Variants in XIRP2 observed in about 807,000 individuals in gnomAD.
XIRP2 encodes xin actin binding repeat containing 2, also known as xin actin-binding repeat-containing protein 2.
A neutral mutation model predicts 277.0 loss-of-function variants in XIRP2; 236 were observed. The observed-to-expected ratio is 0.85, with a 90% CI of 0.77 to 0.95. The LOEUF (loss-of-function observed/expected upper bound fraction) is 0.95, where lower values mean the gene tolerates loss of function less well. Among genes scored for constraint, XIRP2 ranks in the 40% least tolerant of loss-of-function variants. The pLI is 0.00. For missense variants in XIRP2, 4,640 were observed against 4,157.5 expected (o/e 1.12, Z -3.19); for synonymous variants, 1,490 against 1,416.5 (o/e 1.05, Z -1.17).
rs781568897 is a variant in XIRP2 at position 167,248,078 on chromosome 2, A to G, written c.6686A>G (p.Glu2229Gly). Residue 2229 changes from glutamate to glycine, a missense_variant, in exon 9 of 11, where the codon GAA becomes GGA. Transcript: ENST00000409195. Reference sequence around the variant, plus strand: ...AATGTAACAGAAATGAAAGTCTCTGAAAAAAGTCACAATACATTTAAGGCA... The same window carrying G: ...AATGTAACAGAAATGAAAGTCTCTGGAAAAAGTCACAATACATTTAAGGCA... ...TSNVTEMKVS[E>G]KSHNTFKATN... is the part of the protein sequence containing the mutation. The G allele has an allele frequency of 5.0e-6, 8 of 1,613,462 alleles. No homozygotes were observed. The highest frequency in any genetic ancestry group is 5.9e-6 in the Non-Finnish European group (7 of 1,179,756).
intron 2 of XIRP2, among the ~76,000 whole-genome samples, chr2:166,912,236 C>G (rs1200005571): frequency 6.6e-6 from 1 of 152,220 alleles, no homozygotes; most frequent in Non-Finnish European, 1.5e-5. Flanking sequence ...CCGTCACTTT[C>G]AGGTACACCA....
At chr2:167,028,536 C>T (rs1156916055) in intron 2 of XIRP2, among the ~76,000 whole-genome samples, 1 of 151,842 alleles carries the variant, frequency 6.6e-6, no homozygotes, top group Non-Finnish European at 1.5e-5. Flanking sequence ...ATGCAGTGAC[C>T]AAAACTTAGA....
rs143948347 is a variant in XIRP2, at chr2:167,002,061, A to G, written c.408+98171A>G. Among the ~76,000 whole-genome samples, 287 of 152,278 alleles carry G rather than the reference A, an allele frequency of 1.9e-3. 2 individuals carry two copies. The highest frequency in any genetic ancestry group is 6.5e-3 in the African/African-American group (272 of 41,592). On this transcript the variant is annotated intron_variant, in intron 2 of 10. Transcript: ENST00000409195. ...CAGCATTTTAATTCTTTACAAAATT[A>G]CATGATTTCTTAGAGAGCTATACAA...
intron 3 of XIRP2, chr2:167,187,571 G>A: frequency 3.1e-6 from 3 of 983,510 alleles, no homozygotes; most frequent in Non-Finnish European, 3.6e-6. Context: ...TCTGCTTCCT[G>A]GATTGTAAAA....
At chr2:167,131,453 C>G (rs986596129) in intron 2 of XIRP2, among the ~76,000 whole-genome samples, 8 of 152,158 alleles carry the variant, frequency 5.3e-5, no homozygotes, top group Admixed American at 3.3e-4. Context: ...AGTAAGTGAG[C>G]TCCATTCACC....
intron 2 of XIRP2, among the ~76,000 whole-genome samples, chr2:167,077,680 T>A (rs139203654): frequency 6.6e-6 from 1 of 152,120 alleles, no homozygotes; most frequent in African/African-American, 2.4e-5. Flanking sequence ...GGTTCTACCA[T>A]ACAGAACAGC....
intron 3 of XIRP2, among the ~76,000 whole-genome samples, chr2:167,137,400 A>G (rs1187493861): frequency 6.6e-6 from 1 of 152,160 alleles, no homozygotes; most frequent in East Asian, 1.9e-4. Context: ...GGCTGAATGC[A>G]AAAGAATTAG....
intron 2 of XIRP2, among the ~76,000 whole-genome samples, chr2:166,963,631 A>G (rs1043523546): frequency 6.6e-6 from 1 of 151,760 alleles, no homozygotes; most frequent in Non-Finnish European, 1.5e-5. Flanking sequence ...TACAGGGATT[A>G]GAGGGATAAG....
intron 1 of XIRP2, among the ~76,000 whole-genome samples, chr2:166,891,830 C>T (rs936228214): frequency 6.6e-6 from 1 of 152,092 alleles, no homozygotes; most frequent in Non-Finnish European, 1.5e-5. Flanking sequence ...GGGATTCTTA[C>T]CCTTGTCAGA....
intron 2 of XIRP2, among the ~76,000 whole-genome samples, chr2:167,033,747 G>GA (rs1315176284): frequency 4.7e-5 from 7 of 147,796 alleles, no homozygotes; most frequent in African/African-American, 1.2e-4. Context: ...GATAATGAAG[G>GA]AAAAAATATC....
chr2:167,111,708 T>A (rs1690760299), intron 2 of XIRP2, among the ~76,000 whole-genome samples: 1 of 152,128 alleles, frequency 6.6e-6, no homozygotes, highest in African/African-American at 2.4e-5. Context: ...GGGAGGAATC[T>A]CTCCTCAATT....
At chr2:166,920,670 G>A (rs1685014079) in intron 2 of XIRP2, among the ~76,000 whole-genome samples, 1 of 152,094 alleles carries the variant, frequency 6.6e-6, no homozygotes, top group African/African-American at 2.4e-5. Context: ...AAATATAAAT[G>A]TTTTGAATCA....
At chr2:167,177,875 T>C (rs994970329) in intron 3 of XIRP2, among the ~76,000 whole-genome samples, 1 of 152,076 alleles carries the variant, frequency 6.6e-6, no homozygotes, top group African/African-American at 2.4e-5. Flanking sequence ...AGATTATTGA[T>C]TGCATCGTTT....
intron 2 of XIRP2, among the ~76,000 whole-genome samples, chr2:167,028,344 G>C (rs1007196699): frequency 6.6e-6 from 1 of 152,086 alleles, no homozygotes; most frequent in African/African-American, 2.4e-5. Context: ...CCTGATTCAG[G>C]CAGCTCAGGA....
intron 2 of XIRP2, among the ~76,000 whole-genome samples, chr2:166,998,359 C>T (rs1242512472): frequency 2.6e-5 from 4 of 152,072 alleles, no homozygotes; most frequent in African/African-American, 4.8e-5. Context: ...AAAACTCGGC[C>T]AGGAGCAGTG....
chr2:166,978,020 ATGTG>A (rs895740203), intron 2 of XIRP2, among the ~76,000 whole-genome samples: 4 of 152,160 alleles, frequency 2.6e-5, no homozygotes, highest in Non-Finnish European at 5.9e-5. Context: ...AGTCTAATTA[ATGTG>A]TGTATGTTTG....
At chr2:166,916,760 A>T (rs151323774) in intron 2 of XIRP2, among the ~76,000 whole-genome samples, 2 of 152,216 alleles carry the variant, frequency 1.3e-5, no homozygotes, top group East Asian at 3.8e-4. Flanking sequence ...ATGAGAACTT[A>T]ACATTTGATG....
intron 2 of XIRP2, among the ~76,000 whole-genome samples, chr2:167,041,211 C>G (rs1462019445): frequency 6.8e-6 from 1 of 147,866 alleles, no homozygotes; most frequent in African/African-American, 2.5e-5. Context: ...GGAACATCAG[C>G]TCACATATAT....
At chr2:167,127,363 A>G (rs1196591294) in intron 2 of XIRP2, among the ~76,000 whole-genome samples, 4 of 152,206 alleles carry the variant, frequency 2.6e-5, no homozygotes, top group Non-Finnish European at 5.9e-5. Flanking sequence ...TGAAATCAGT[A>G]CATTGTGACA....
Sources: gnomAD v4.1 joint callset for allele counts (sites outside exome capture counted in the v4.1 genomes callset) on GRCh38, gnomAD v4.1.1 for gene constraint, MANE v1.5 for transcripts, NCBI Gene and HGNC (gene_info 2026-07-23, HGNC 2026-07-21) for gene names.